Variants in CTNNA3 observed in about 807,000 individuals in gnomAD.
CTNNA3 encodes catenin alpha 3.
CTNNA3 carries 76 observed loss-of-function variants against 95.7 expected under a neutral mutation model. That is an observed-to-expected ratio of 0.79 (90% CI 0.66 to 0.96). The LOEUF (loss-of-function observed/expected upper bound fraction) is 0.96, where lower values mean the gene tolerates loss of function less well. Among genes scored for constraint, CTNNA3 ranks in the 40% least tolerant of loss-of-function variants. The pLI is 0.00. For missense variants in CTNNA3, 1,191 were observed against 1,089.8 expected (o/e 1.09, Z -1.31); for synonymous variants, 431 against 374.4 (o/e 1.15, Z -1.74).
In CTNNA3 at chr10:66,114,508, G is replaced by GTATA. The variant is rs143559718; in HGVS notation, c.1885-11263_1885-11260dup. Among the ~76,000 whole-genome samples, 37 of 150,656 alleles carry GTATA rather than the reference G, an allele frequency of 2.5e-4. No homozygotes were observed. The South Asian group carries it at 4.0e-3, about 16-fold the overall frequency. On this transcript the variant is annotated intron_variant, in intron 13 of 17. Transcript: ENST00000433211. ...TATGTGTATATATGTGTGCATATATGTATATATATATAGTCTAATTATTTA... is the reference window on the plus strand; with the variant it reads ...TATGTGTATATATGTGTGCATATATGTATATATATATATATAGTCTAATTATTTA...
chr10:66,707,872 A>T (rs9633571), intron 9 of CTNNA3, among the ~76,000 whole-genome samples: 4,908 of 152,130 alleles, frequency 0.032, 209 homozygotes, highest in East Asian at 0.22. Flanking sequence ...AGCTATTATC[A>T]AGCAGTTTTG....
At chr10:66,642,416 T>C (rs895790197) in intron 9 of CTNNA3, among the ~76,000 whole-genome samples, 1 of 151,992 alleles carries the variant, frequency 6.6e-6, no homozygotes, top group African/African-American at 2.4e-5. Context: ...AGAAAATTAC[T>C]CACCCTACAC....
intron 7 of CTNNA3, among the ~76,000 whole-genome samples, chr10:67,086,764 T>C (rs1274205692): frequency 4.6e-5 from 7 of 152,030 alleles, no homozygotes; most frequent in Admixed American, 4.6e-4. Flanking sequence ...GGAGAGTTCT[T>C]TCCACCAGTT....
chr10:67,435,143 C>T (rs1846257286), intron 5 of CTNNA3, among the ~76,000 whole-genome samples: 1 of 151,920 alleles, frequency 6.6e-6, no homozygotes, highest in Non-Finnish European at 1.5e-5. Context: ...AGTGCTCAGA[C>T]ATAAAGGTTT....
chr10:66,725,647 G>A (rs10997368), intron 9 of CTNNA3, among the ~76,000 whole-genome samples: 54,809 of 151,928 alleles, frequency 0.36, 10,466 homozygotes, highest in Non-Finnish European at 0.42. Flanking sequence ...CTTCCCAGAC[G>A]GACAGTTGTT....
chr10:67,069,676 A>G (rs1856327523), intron 7 of CTNNA3, among the ~76,000 whole-genome samples: 1 of 151,272 alleles, frequency 6.6e-6, no homozygotes, highest in African/African-American at 2.4e-5. Flanking sequence ...ATCACTCAGT[A>G]TATACTCTGT....
intron 7 of CTNNA3, among the ~76,000 whole-genome samples, chr10:66,779,350 C>G (rs1481796517): frequency 6.6e-6 from 1 of 151,214 alleles, no homozygotes; most frequent in Non-Finnish European, 1.5e-5. Context: ...TCTTTCTTTT[C>G]TTTCTTTTCT....
At chr10:67,104,100 T>C (rs1739153009) in intron 7 of CTNNA3, among the ~76,000 whole-genome samples, 2 of 151,538 alleles carry the variant, frequency 1.3e-5, no homozygotes, top group South Asian at 4.2e-4. Flanking sequence ...GATAAAGAAA[T>C]ATCAATAATA....
intron 6 of CTNNA3, among the ~76,000 whole-genome samples, chr10:67,190,335 C>T (rs1261757542): frequency 6.6e-6 from 1 of 151,780 alleles, no homozygotes; most frequent in Non-Finnish European, 1.5e-5. Context: ...AAAACGAGCA[C>T]ACAACAACAC....
At chr10:66,020,286 G>C (rs1317116076) in intron 15 of CTNNA3, among the ~76,000 whole-genome samples, 1 of 152,194 alleles carries the variant, frequency 6.6e-6, no homozygotes, top group Non-Finnish European at 1.5e-5. Flanking sequence ...AAAGTGGAAG[G>C]TTTGGCCAAA....
intron 12 of CTNNA3, among the ~76,000 whole-genome samples, chr10:66,304,405 A>G (rs1321879465): frequency 6.6e-6 from 1 of 152,180 alleles, no homozygotes; most frequent in Non-Finnish European, 1.5e-5. Flanking sequence ...TGTATCCTAG[A>G]AAGCTTTTGC....
intron 5 of CTNNA3, among the ~76,000 whole-genome samples, chr10:67,434,544 TA>T (rs1368303458): frequency 6.6e-6 from 1 of 151,956 alleles, no homozygotes; most frequent in Non-Finnish European, 1.5e-5. Flanking sequence ...TTACTGACTA[TA>T]AAAACTCAGG....
chr10:67,508,459 A>G (rs572061758), intron 5 of CTNNA3, among the ~76,000 whole-genome samples: 1 of 152,350 alleles, frequency 6.6e-6, no homozygotes, highest in South Asian at 2.1e-4. Context: ...ATATCCACAT[A>G]CCAAAAAACA....
At chr10:66,080,930 A>G (rs1275059203) in intron 14 of CTNNA3, among the ~76,000 whole-genome samples, 1 of 152,250 alleles carries the variant, frequency 6.6e-6, no homozygotes, top group East Asian at 1.9e-4. Flanking sequence ...CTTAAGAAAG[A>G]TATTATATTT....
chr10:66,032,580 T>G (rs888947604), intron 15 of CTNNA3, among the ~76,000 whole-genome samples: 3 of 152,176 alleles, frequency 2.0e-5, no homozygotes, highest in African/African-American at 2.4e-5. Context: ...TATAATTCAT[T>G]TATTAATTTA....
chr10:67,043,122 G>T (rs1854506999), intron 7 of CTNNA3, among the ~76,000 whole-genome samples: 1 of 137,714 alleles, frequency 7.3e-6, no homozygotes, highest in Admixed American at 8.5e-5. Context: ...ATGCCTCAAG[G>T]CTCACTTTCT....
chr10:67,048,893 C>T (rs1854914274), intron 7 of CTNNA3, among the ~76,000 whole-genome samples: 1 of 152,150 alleles, frequency 6.6e-6, no homozygotes, highest in South Asian at 2.1e-4. Flanking sequence ...ACTTTATTAT[C>T]CTGCTGAAGT....
At chr10:66,938,271 G>A (rs7075547) in intron 7 of CTNNA3, among the ~76,000 whole-genome samples, 43,112 of 151,682 alleles carry the variant, frequency 0.28, 6,390 homozygotes, top group Middle Eastern at 0.33. Flanking sequence ...ACAATGTGAG[G>A]GTCAAGAGAA....
intron 5 of CTNNA3, among the ~76,000 whole-genome samples, chr10:67,275,889 A>G (rs1839167019): frequency 6.6e-6 from 1 of 152,096 alleles, no homozygotes. Context: ...ACTTCTTCTT[A>G]GTCTTCTTAA....
Sources: allele counts gnomAD v4.1 joint callset (sites outside exome capture counted in the v4.1 genomes callset), GRCh38; gene constraint gnomAD v4.1.1; transcripts MANE v1.5; gene names NCBI Gene and HGNC (gene_info 2026-07-23, HGNC 2026-07-21).